Variants in IMMP2L observed in about 807,000 individuals in gnomAD.
IMMP2L encodes the protein inner mitochondrial membrane peptidase subunit 2, also known as mitochondrial inner membrane protease subunit 2.
IMMP2L carries 18 observed loss-of-function variants against 19.3 expected under a neutral mutation model. The observed-to-expected ratio is 0.93, with a 90% confidence interval of 0.64 to 1.38. The LOEUF is 1.38. Ranked by LOEUF, IMMP2L falls within the 40% of genes most tolerant of loss-of-function variation. IMMP2L has a pLI of 0.00. For synonymous variants in IMMP2L, 76 were observed against 73.0 expected, an observed-to-expected ratio of 1.04 and a Z score of -0.21; for missense variants, 233 against 218.2, an observed-to-expected ratio of 1.07 and a Z score of -0.43.
chr7:110,724,038 A>G (rs1019128036), intron 5 of IMMP2L: 1 of 152,138 alleles, frequency 6.6e-6, no homozygotes, highest in Non-Finnish European at 1.5e-5. Context: ...TGTTGCTTCA[A>G]TATCATTTCT....
At chr7:111,496,565 C>T (rs1334613254) in intron 2 of IMMP2L, among the ~76,000 whole-genome samples, 1 of 152,152 alleles carries the variant, frequency 6.6e-6, no homozygotes, top group East Asian at 1.9e-4. Flanking sequence ...GATACAAGAA[C>T]AAGGAAGAGG....
chr7:110,873,199 T>A (rs1191864694), intron 5 of IMMP2L, among the ~76,000 whole-genome samples: 1 of 151,942 alleles, frequency 6.6e-6, no homozygotes, highest in East Asian at 1.9e-4. Flanking sequence ...GTGGATCACT[T>A]GAGGAAGGCC....
intron 3 of IMMP2L, among the ~76,000 whole-genome samples, chr7:111,293,493 C>T (rs1821324283): frequency 1.3e-5 from 2 of 151,742 alleles, no homozygotes; most frequent in East Asian, 1.9e-4. Flanking sequence ...AAACCAAATA[C>T]GTACCTCCTT....
intron 3 of IMMP2L, among the ~76,000 whole-genome samples, chr7:111,024,113 A>T (rs1262751009): frequency 6.6e-6 from 1 of 152,240 alleles, no homozygotes; most frequent in Non-Finnish European, 1.5e-5. Flanking sequence ...AAACTGAAAT[A>T]GAGAATGCAG....
intron 5 of IMMP2L, among the ~76,000 whole-genome samples, chr7:110,698,361 C>A (rs544520844): frequency 6.6e-6 from 1 of 152,246 alleles, no homozygotes; most frequent in East Asian, 1.9e-4. Context: ...TCTCAGTATA[C>A]AATGTAATTT....
intron 3 of IMMP2L, among the ~76,000 whole-genome samples, chr7:111,333,221 A>G (rs1196530806): frequency 6.6e-6 from 1 of 152,166 alleles, no homozygotes; most frequent in Non-Finnish European, 1.5e-5. Context: ...TGTAATTGTA[A>G]TGAGTATTTC....
chr7:111,387,755 A>T (rs1831911092), intron 3 of IMMP2L, among the ~76,000 whole-genome samples: 1 of 151,962 alleles, frequency 6.6e-6, no homozygotes, highest in Admixed American at 6.6e-5. Context: ...AGGTGGGCAG[A>T]CAACGAGGTC....
intron 3 of IMMP2L, among the ~76,000 whole-genome samples, chr7:111,470,732 G>A (rs1247367860): frequency 7.7e-6 from 1 of 129,524 alleles, no homozygotes; most frequent in African/African-American, 2.8e-5. Context: ...TGTGGGGTGG[G>A]GGGGAGGGGG....
At position 110,963,573 on chromosome 7, in the gene IMMP2L, A is replaced by G; in HGVS notation, c.240-8T>C. 6.4e-7 allele frequency: 1 copy of G among 1,551,470 alleles called. No individual in the cohort carries two copies. The highest frequency in any genetic ancestry group is 8.9e-7 in the Non-Finnish European group (1 of 1,127,498). ...TCTGGGTTTTTAGGAGACCTAGAAC[A>G]AGAAGATAACATTATACAATCAGTT... On this transcript the variant is annotated splice_region_variant and splice_polypyrimidine_tract_variant and intron_variant, in intron 3 of 5. Coordinates refer to ENST00000405709, the MANE Select transcript of IMMP2L (RefSeq NM_032549.4).
At chr7:110,995,768 G>C (rs2129560313) in intron 3 of IMMP2L, among the ~76,000 whole-genome samples, 1 of 152,188 alleles carries the variant, frequency 6.6e-6, no homozygotes, top group Middle Eastern at 3.4e-3. Flanking sequence ...CTCTCCCCCA[G>C]TTTCTGCTAG....
chr7:111,551,489 G>A (rs1202348169), intron 1 of IMMP2L, among the ~76,000 whole-genome samples: 16 of 119,936 alleles, frequency 1.3e-4, no homozygotes, highest in Non-Finnish European at 2.6e-4. Context: ...AGGTATGACT[G>A]TTAGAGGTGT....
chr7:110,806,552 T>C (rs1801651167), intron 5 of IMMP2L, among the ~76,000 whole-genome samples: 1 of 151,932 alleles, frequency 6.6e-6, no homozygotes, highest in African/African-American at 2.4e-5. Context: ...ATGTTAAGCA[T>C]GAAAATTCTT....
chr7:111,017,982 T>C (rs1464479889), intron 3 of IMMP2L, among the ~76,000 whole-genome samples: 1 of 152,224 alleles, frequency 6.6e-6, no homozygotes, highest in African/African-American at 2.4e-5. Context: ...GTTAGTCATC[T>C]TGGAAAATGA....
At chr7:110,730,168 T>C (rs1266708674) in intron 5 of IMMP2L, among the ~76,000 whole-genome samples, 1 of 152,132 alleles carries the variant, frequency 6.6e-6, no homozygotes, top group South Asian at 2.1e-4. Context: ...TGTTCCTGGG[T>C]GCGTCTATGA....
In IMMP2L at chr7:111,461,970, T is replaced by C. The variant is rs565137807; in HGVS notation, c.239+25268A>G. Among the ~76,000 whole-genome samples the C allele has an allele frequency of 3.9e-5, 6 of 152,094 alleles. No homozygotes were observed. In the East Asian group the frequency reaches 9.7e-4, roughly 24 times the overall value. On this transcript the variant is annotated intron_variant, in intron 3 of 5. Transcript: ENST00000405709. ...TTTGTATGAACAATTCCATTTTATA[T>C]AGATCATACACACACACGTGCACAA...
In IMMP2L at chr7:110,943,324, G is replaced by C. The variant is rs1816916857; in HGVS notation, c.305+20176C>G. Among the ~76,000 whole-genome samples, 2 of 151,918 alleles carry C rather than the reference G, an allele frequency of 1.3e-5. 1 individual carries two copies. Among genetic ancestry groups the C allele is most frequent in the Non-Finnish European group, 2.9e-5 (2 of 68,028 alleles). On this transcript the variant is annotated intron_variant, in intron 4 of 5. Transcript: ENST00000405709. ...TCGATGTGTGTTGAATATGCACCTT[G>C]ATACAAGTGCAAAACCAATTCATTT...
chr7:111,486,428 G>A (rs1313301524), intron 3 of IMMP2L, among the ~76,000 whole-genome samples: 1 of 152,062 alleles, frequency 6.6e-6, no homozygotes, highest in East Asian at 1.9e-4. Context: ...CCCAGTAGCA[G>A]GTTTTTACTG....
chr7:110,731,260 A>T (rs1220594729), intron 5 of IMMP2L, among the ~76,000 whole-genome samples: 1 of 152,202 alleles, frequency 6.6e-6, no homozygotes, highest in African/African-American at 2.4e-5. Flanking sequence ...TATGTTTATA[A>T]GAAATCTTAC....
chr7:111,061,356 C>T (rs559082413), intron 3 of IMMP2L, among the ~76,000 whole-genome samples: 4 of 152,138 alleles, frequency 2.6e-5, no homozygotes, highest in Non-Finnish European at 4.4e-5. Flanking sequence ...TTGACTGACT[C>T]GCTGAGCCTG....
Sources: allele counts gnomAD v4.1 joint callset (sites outside exome capture counted in the v4.1 genomes callset), GRCh38; gene constraint gnomAD v4.1.1; transcripts MANE v1.5; gene names NCBI Gene and HGNC (gene_info 2026-07-23, HGNC 2026-07-21).